Variants in PHF14 observed in about 807,000 individuals in gnomAD.
PHF14 encodes the protein PHD finger protein 14.
A neutral mutation model predicts 117.9 loss-of-function variants in PHF14; 55 were observed. That is an observed-to-expected ratio of 0.47 (90% CI 0.38 to 0.58). The LOEUF (loss-of-function observed/expected upper bound fraction) is 0.58, where lower values mean the gene tolerates loss of function less well. PHF14 is among the 20% of genes least tolerant of loss of function. The pLI, the probability that PHF14 is intolerant of heterozygous loss-of-function variation, is 0.00. For missense variants in PHF14, 978 were observed against 1,122.2 expected (o/e 0.87, Z 1.84); for synonymous variants, 409 against 368.6 (o/e 1.11, Z -1.26).
intron 16 of PHF14, among the ~76,000 whole-genome samples, chr7:11,074,181 C>G (rs1342083607): frequency 6.6e-6 from 1 of 151,874 alleles, no homozygotes; most frequent in Non-Finnish European, 1.5e-5. Flanking sequence ...TTGAATTCCT[C>G]TCCTGAAAAT....
intron 4 of PHF14, chr7:11,006,545 G>A (rs1401432267): frequency 4.1e-5 from 24 of 585,334 alleles, no homozygotes; most frequent in Non-Finnish European, 1.3e-5. Context: ...CAGCCTGTTT[G>A]ATCTGGTGCT....
rs765941476 is a variant in PHF14, at chr7:10,990,764, T to C, written c.962T>C (p.Ile321Thr). 1 of 1,578,162 alleles carries C rather than the reference T, an allele frequency of 6.3e-7. No individual in the cohort carries two copies. The highest frequency in any genetic ancestry group is 8.6e-7 in the Non-Finnish European group (1 of 1,158,746). The part of the protein sequence containing the change: ...WSSQKMDHIL[I>T]CCVCLGDNSE... Reference sequence around the variant, plus strand: ...TCTCAAAAAATGGACCATATTCTGATTTGCTGTGTTTGTCTGGGAGATAAT... The same window carrying C: ...TCTCAAAAAATGGACCATATTCTGACTTGCTGTGTTTGTCTGGGAGATAAT... Residue 321 changes from isoleucine (I) to threonine (T), a missense_variant, in exon 4 of 18, where the codon ATT (isoleucine) becomes ACT (threonine). Physicochemically the swap from Ile to Thr is moderately conservative, Grantham distance 89. Coordinates refer to ENST00000634607, the MANE Select transcript of PHF14 (RefSeq NM_001007157.2).
chr7:11,036,427 A>C lies in PHF14; in HGVS notation c.1612A>C (p.Asn538His). The C allele has an allele frequency of 6.2e-7, 1 of 1,611,392 alleles. No homozygotes were observed. The highest frequency in any genetic ancestry group is 8.5e-7 in the Non-Finnish European group (1 of 1,177,952). Residue 538 changes from asparagine to histidine, a missense_variant, in exon 9 of 18, where the codon AAT becomes CAT. Asn to His is a moderately conservative substitution (Grantham distance 68). Transcript: ENST00000634607. ...TACATTTCTTTTATAGGCAAGGATC[A>C]ATGCCCGGCTTCAGCAGTATCGTGC... ...QLSPEAQARI[N>H]ARLQQYRAKA...
At chr7:10,996,115 C>G (rs901287095) in intron 4 of PHF14, among the ~76,000 whole-genome samples, 9 of 152,226 alleles carry the variant, frequency 5.9e-5, no homozygotes, top group African/African-American at 1.9e-4. Context: ...GAAGCCATAA[C>G]ATGGCTTTTC....
intron 17 of PHF14, among the ~76,000 whole-genome samples, chr7:11,139,257 TTTTG>T (rs1462829853): frequency 2.0e-5 from 3 of 152,174 alleles, no homozygotes; most frequent in African/African-American, 4.8e-5. Context: ...GTTTAAATAA[TTTTG>T]TTTGTTGTTT....
At chr7:11,111,778 A>G (rs1787455434) in intron 17 of PHF14, among the ~76,000 whole-genome samples, 1 of 152,072 alleles carries the variant, frequency 6.6e-6, no homozygotes, top group Admixed American at 6.6e-5. Flanking sequence ...ACACTTGAGA[A>G]TGGCAGGAAA....
intron 16 of PHF14, chr7:11,062,761 T>A (rs1322119483): frequency 6.1e-6 from 6 of 985,144 alleles, no homozygotes; most frequent in Non-Finnish European, 7.2e-6. Context: ...AATGAAGACA[T>A]TGATCAAAGC....
At chr7:11,074,560 G>C (rs1050102988) in intron 16 of PHF14, among the ~76,000 whole-genome samples, 1 of 152,064 alleles carries the variant, frequency 6.6e-6, no homozygotes, top group Non-Finnish European at 1.5e-5. Flanking sequence ...CGATTCATAG[G>C]CTGTTATAAG....
chr7:11,014,126 A>T (rs1350047247), intron 5 of PHF14, among the ~76,000 whole-genome samples: 6 of 152,182 alleles, frequency 3.9e-5, no homozygotes, highest in African/African-American at 1.4e-4. Context: ...ATCTTAATTA[A>T]TCTTAATAAT....
At chr7:11,019,847 T>C (rs1045281792) in intron 5 of PHF14, among the ~76,000 whole-genome samples, 4 of 152,174 alleles carry the variant, frequency 2.6e-5, no homozygotes, top group African/African-American at 9.6e-5. Context: ...TTTTTCTCTT[T>C]TGATGTAGGT....
chr7:11,039,657 G>T (rs1784438913), intron 11 of PHF14, among the ~76,000 whole-genome samples: 1 of 152,166 alleles, frequency 6.6e-6, no homozygotes, highest in Admixed American at 6.5e-5. Context: ...AGAGGTTTAT[G>T]GAGAGTCAAA....
At chr7:11,057,723 T>C (rs1432523242) in intron 14 of PHF14, among the ~76,000 whole-genome samples, 1 of 152,138 alleles carries the variant, frequency 6.6e-6, no homozygotes, top group Non-Finnish European at 1.5e-5. Context: ...TTTTACACCT[T>C]TTCAGTTTAA....
chr7:10,981,749 A>G lies in PHF14; in HGVS notation c.113-623A>G, dbSNP rs73279406. 1.3e-3 allele frequency among the ~76,000 whole-genome samples: 197 copies of G among 152,226 alleles called. 1 individual carries two copies. The highest frequency in any genetic ancestry group is 4.4e-3 in the African/African-American group (183 of 41,556). On this transcript the variant is annotated intron_variant, in intron 2 of 17. Coordinates refer to ENST00000634607, the MANE Select transcript of PHF14 (RefSeq NM_001007157.2). ...AGGAAGATTGATAATTTCTCTTGCA[A>G]CTTCCTTTTTCTGTGCCATTGCTGT...
At chr7:11,039,255 G>A (rs1295878598) in intron 11 of PHF14, among the ~76,000 whole-genome samples, 5 of 150,384 alleles carry the variant, frequency 3.3e-5, no homozygotes, top group African/African-American at 9.8e-5. Flanking sequence ...CTATTCTTTG[G>A]ATGTATAATT....
intron 5 of PHF14, among the ~76,000 whole-genome samples, chr7:11,014,339 A>G (rs1783451383): frequency 6.6e-6 from 1 of 152,210 alleles, no homozygotes. Context: ...AGAATTTTTA[A>G]GCTGTGATAA....
Position 11,070,025 on chromosome 7 carries a change from T to C in PHF14, c.2654+7940T>C, listed in dbSNP as rs538019978. 6.6e-5 allele frequency among the ~76,000 whole-genome samples: 10 copies of C among 152,202 alleles called. No individual in the cohort carries two copies. The South Asian group carries it at 2.1e-3, about 32-fold the overall frequency. The stretch of plus-strand genomic sequence containing the variant: ...CCGGTGATACCATCTGAACCTAGAG[T>C]TTTCATTGTGGAAATGTTTTTGATA... On this transcript the variant is annotated intron_variant, in intron 16 of 17. Transcript: ENST00000634607.
At chr7:11,062,547 A>C (rs913039069) in intron 16 of PHF14, 4 of 249,842 alleles carry the variant, frequency 1.6e-5, no homozygotes, top group Non-Finnish European at 2.5e-5. Flanking sequence ...TATCAAAACA[A>C]ATGTGTTAAA....
At chr7:11,144,035 C>A (rs533597227) in intron 17 of PHF14, among the ~76,000 whole-genome samples, 39 of 152,136 alleles carry the variant, frequency 2.6e-4, no homozygotes, top group Non-Finnish European at 4.6e-4. Context: ...AGCAAAAAAA[C>A]CCCAAATAGT....
At chr7:11,107,679 C>A in intron 16 of PHF14, 1 of 653,118 alleles carries the variant, frequency 1.5e-6, no homozygotes, top group Non-Finnish European at 1.9e-6. Flanking sequence ...ATGTGCTATT[C>A]GTATAATAAT....
Sources: gnomAD v4.1 joint callset for allele counts (sites outside exome capture counted in the v4.1 genomes callset) on GRCh38, gnomAD v4.1.1 for gene constraint, MANE v1.5 for transcripts, NCBI Gene and HGNC (gene_info 2026-07-23, HGNC 2026-07-21) for gene names.